Variants in BBS1 observed in about 807,000 individuals in gnomAD.
The protein encoded by BBS1 is Bardet-Biedl syndrome 1, also known as BBSome complex member BBS1.
Under a neutral mutation model 73.9 loss-of-function variants are expected in BBS1, and 60 were observed. The observed-to-expected ratio is 0.81, with a 90% CI of 0.66 to 1.01. The LOEUF (loss-of-function observed/expected upper bound fraction) is 1.01. Ranked by LOEUF, BBS1 falls within the 50% of genes least tolerant of loss-of-function variation. The pLI is 0.00. For missense variants in BBS1, 718 were observed against 770.3 expected (o/e 0.93, Z 0.80); for synonymous variants, 283 against 317.4 (o/e 0.89, Z 1.15).
Position 66,523,859 on chromosome 11 carries a change from C to G in BBS1, c.1087C>G (p.Leu363Val). 1 of 1,613,514 alleles carries G rather than the reference C, an allele frequency of 6.2e-7. No homozygotes were observed. ...GEVRIYRDKA[L>V]LNVIHTPDAV... is the part of the protein sequence containing the mutation. ...GGTCCGCATTTATCGTGACAAGGCC[C>G]TGCTCAATGTCATCCACACCCCGGT... The change falls in exon 11 of 17, where the codon CTG (leucine) becomes GTG (valine). Residue 363 changes from leucine to valine, a missense_variant. Leu to Val is a conservative substitution (Grantham distance 32, BLOSUM62 1). Transcript: ENST00000318312.
intron 7 of BBS1, among the ~76,000 whole-genome samples, 189 bp downstream of exon 7, chr11:66,516,122 C>CT (rs35735110): frequency 0.055 from 5,425 of 99,290 alleles, 325 homozygotes; most frequent in Middle Eastern, 0.066. Flanking sequence ...GTAGTGACAG[C>CT]TTTTTTTTTT....
chr11:66,517,222 A>C lies in BBS1; in HGVS notation c.591+1289A>C, dbSNP rs933943961. ...TCAAAAAAAAAAACCAAAAAACAAA[A>C]AAAAAAAGAAAAACATTTTGCTTCT... On this transcript the variant is annotated intron_variant, in intron 7 of 16. Transcript: ENST00000318312. Among the ~76,000 whole-genome samples the C allele has an allele frequency of 1.4e-4, 22 of 151,928 alleles. No homozygotes were observed. The South Asian group carries it at 1.9e-3, about 13-fold the overall frequency.
At chr11:66,516,000 A>C in intron 7 of BBS1, 67 bp downstream of exon 7, 2 of 1,479,274 alleles carry the variant, frequency 1.4e-6, no homozygotes, top group Non-Finnish European at 1.9e-6. Context: ...ACCACTTAAC[A>C]TCAGTGGTAA....
chr11:66,529,751 G>T, intron 13 of BBS1, 68 bp from the exon 14 acceptor site: 3 of 1,584,478 alleles, frequency 1.9e-6, no homozygotes, highest in Non-Finnish European at 2.6e-6. Context: ...GAGCAGGAGT[G>T]CCCCGTTGCT....
chr11:66,514,792 C>T, intron 4 of BBS1, 114 bp downstream of exon 4: 4 of 1,235,166 alleles, frequency 3.2e-6, no homozygotes, highest in Non-Finnish European at 4.6e-6. Context: ...CAGCTATAGT[C>T]CATCTCTGAC....
intron 11 of BBS1, among the ~76,000 whole-genome samples, chr11:66,524,905 A>G (rs943194982): frequency 1.3e-5 from 2 of 152,008 alleles, no homozygotes; most frequent in Non-Finnish European, 2.9e-5. Context: ...AAATAAACAA[A>G]TTAGCCGGGT....
At chr11:66,516,586 C>T (rs140293798) in intron 7 of BBS1, among the ~76,000 whole-genome samples, 2,213 of 149,904 alleles carry the variant, frequency 0.015, 59 homozygotes, top group African/African-American at 0.051. Flanking sequence ...GGTCTTCCTC[C>T]GTCACCCAGG....
intron 9 of BBS1, chr11:66,521,684 TCA>T (rs1856225036): frequency 2.5e-5 from 9 of 366,756 alleles, no homozygotes; most frequent in Admixed American, 1.5e-4. Flanking sequence ...GGCAAGCGGA[TCA>T]CCTGAGGTCA....
At chr11:66,520,652 T>C (rs11822028) in intron 8 of BBS1, 39,088 of 161,740 alleles carry the variant, frequency 0.24, 5,022 homozygotes, top group East Asian at 0.26. Flanking sequence ...ATTTACCCTG[T>C]CACCTATTGT....
chr11:66,514,463 G>T lies in BBS1; in HGVS notation c.217G>T (p.Gly73Ter), dbSNP rs1012901050. 6 of 1,614,192 alleles carry T rather than the reference G, an allele frequency of 3.7e-6. No homozygotes were observed. Among genetic ancestry groups the T allele is most frequent in the Non-Finnish European group, 3.4e-6 (4 of 1,180,052 alleles). ...GCAGCCCCGCCTGAAGGTGCTCAAA[G>T]GACCACTGGTGATGACCGAAAGCCC... is the stretch of plus-strand genomic sequence containing the variant. The part of the protein sequence containing the change: ...GQQPRLKVLK[G>*]PLVMTESPLP... The change falls in exon 4 of 17, where the codon GGA becomes TGA. Residue 73 changes from glycine to a stop codon, truncating the protein, a stop_gained. Coordinates refer to ENST00000318312, the MANE Select transcript of BBS1 (RefSeq NM_024649.5). LOFTEE classifies it high-confidence loss of function.
At chr11:66,520,613 A>G (rs1332660684) in intron 8 of BBS1, 1 of 158,782 alleles carries the variant, frequency 6.3e-6, no homozygotes, top group African/African-American at 2.4e-5. Flanking sequence ...AGACCACGCA[A>G]TATCCATCAT....
rs756964235 is a variant in BBS1 at position 66,514,439 on chromosome 11, C to A, written c.193C>A (p.Gln65Lys). The part of the protein sequence containing the change: ...VVGDLGPGGQ[Q>K]PRLKVLKGPL... ...AGGGGACCTTGGCCCTGGTGGGCAGCAGCCCCGCCTGAAGGTGCTCAAAGG... is the reference window on the plus strand; with the variant it reads ...AGGGGACCTTGGCCCTGGTGGGCAGAAGCCCCGCCTGAAGGTGCTCAAAGG... Residue 65 changes from glutamine (Q) to lysine (K), a missense_variant, in exon 4 of 17, where the codon CAG becomes AAG. Transcript: ENST00000318312. The A allele has an allele frequency of 6.2e-7, 1 of 1,614,170 alleles. No individual in the cohort carries two copies. The highest frequency in any genetic ancestry group is 1.6e-4 in the Middle Eastern group (1 of 6,062).
In BBS1 at chr11:66,523,897, C is replaced by T. The variant is rs371084544; in HGVS notation, c.1110+15C>T. ...TCCACACCCCGGTGAGCCCCATCTC[C>T]GGCATCTGCCACTCACTCCTCCTTG... On this transcript the variant is annotated intron_variant, in intron 11 of 16. Transcript: ENST00000318312. 73 of 1,612,100 alleles carry T rather than the reference C, an allele frequency of 4.5e-5. No homozygotes were observed. The highest frequency in any genetic ancestry group is 1.3e-4 in the African/African-American group (10 of 75,064).
rs1481393959 is a variant in BBS1 at position 66,510,956 on chromosome 11, G to GA, written c.48-57_48-56insA. 11 of 1,572,100 alleles carry GA rather than the reference G, an allele frequency of 7.0e-6. No individual in the cohort carries two copies. In the Admixed American group the frequency reaches 8.4e-5, roughly 12 times the overall value. Reference sequence around the variant, plus strand: ...AGTGACCTGTACCAGCTTCCTCAAAGTTTTTTTTTCCCCTCCCATGGGACT... The same window carrying GA: ...AGTGACCTGTACCAGCTTCCTCAAAGATTTTTTTTTCCCCTCCCATGGGACT... On this transcript the variant is annotated intron_variant, in intron 1 of 16. Coordinates refer to ENST00000318312, the MANE Select transcript of BBS1 (RefSeq NM_024649.5).
intron 5 of BBS1, 45 bp downstream of exon 5, chr11:66,515,631 C>T (rs1370158643): frequency 1.2e-6 from 2 of 1,614,082 alleles, no homozygotes; most frequent in Non-Finnish European, 1.7e-6. Flanking sequence ...CTCCTTCATC[C>T]CATCTGAGCC....
intron 11 of BBS1, 163 bp downstream of exon 11, chr11:66,524,045 C>G (rs1350053161): frequency 9.9e-7 from 1 of 1,012,876 alleles, no homozygotes. Flanking sequence ...TTTGGGAGGC[C>G]AAGGTGGGCA....
rs1421190198 is a variant in BBS1 at position 66,519,615 on chromosome 11, A to G, written c.592-2A>G. ...TGGGTGACCCCTGGAGTCCTTCTGT[A>G]GACAGTCATCACCACCATGACCACC... On this transcript the variant is annotated splice_acceptor_variant, in intron 7 of 16. Transcript: ENST00000318312. LOFTEE classifies it high-confidence loss of function. The G allele has an allele frequency of 6.2e-7, 1 of 1,613,220 alleles. No homozygotes were observed. The highest frequency in any genetic ancestry group is 1.3e-5 in the African/African-American group (1 of 74,692).
At chr11:66,531,168 C>T (rs1034228125) in intron 15 of BBS1, 140 bp downstream of exon 15, 2 of 1,226,132 alleles carry the variant, frequency 1.6e-6, no homozygotes, top group Non-Finnish European at 2.3e-6. Context: ...TCTCCCACCA[C>T]AGACCAGGCC....
chr11:66,519,465 A>T, intron 7 of BBS1, 152 bp from the exon 8 acceptor site: 1 of 1,096,862 alleles, frequency 9.1e-7, no homozygotes, highest in Admixed American at 2.3e-5. Context: ...ATTTGTTGCA[A>T]TAAACACCTT....
Sources: gnomAD v4.1 joint callset for allele counts (sites outside exome capture counted in the v4.1 genomes callset) on GRCh38, gnomAD v4.1.1 for gene constraint, MANE v1.5 for transcripts, NCBI Gene and HGNC (gene_info 2026-07-23, HGNC 2026-07-21) for gene names.